The following LHPP variants were observed in gnomAD, a reference collection of about 807,000 sequenced individuals.
LHPP encodes hLHPP.
LHPP carries 24 observed loss-of-function variants against 30.3 expected under a neutral mutation model. The observed-to-expected ratio is 0.79, with a 90% CI of 0.57 to 1.11. The LOEUF (loss-of-function observed/expected upper bound fraction) is 1.11. Ranked by LOEUF, LHPP falls within the 50% of genes most tolerant of loss-of-function variation. The probability of loss-of-function intolerance (pLI) is 0.00; values close to 1 mark genes in which losing one functional copy is unlikely to be tolerated. For synonymous variants in LHPP, 150 were observed against 157.1 expected, an observed-to-expected ratio of 0.95 and a Z score of 0.34; for missense variants, 356 against 367.2, an observed-to-expected ratio of 0.97 and a Z score of 0.25.
Position 124,478,398 on chromosome 10 carries a change from A to G in LHPP, c.126-5741A>G, listed in dbSNP as rs77404434. On this transcript the variant is annotated intron_variant, in intron 1 of 6. Coordinates refer to ENST00000368842, the MANE Select transcript of LHPP (RefSeq NM_022126.4). This position sits in a 1 kb window ranked among gnomAD's most constrained non-coding sequence, Gnocchi z 4.7. The stretch of plus-strand genomic sequence containing the variant: ...CAGGGGGCCCAGCTGGGAGGGGCTC[A>G]TGCTGCCCTTTTCCTGAGGCCCCCT... Among the ~76,000 whole-genome samples the G allele has an allele frequency of 0.015, 2,275 of 152,212 alleles. 90 individuals carry two copies. In the East Asian group the frequency reaches 0.15, roughly 10 times the overall value.
At chr10:124,598,173 C>T (rs913763598) in intron 6 of LHPP, among the ~76,000 whole-genome samples, 1 of 152,254 alleles carries the variant, frequency 6.6e-6, no homozygotes, top group Non-Finnish European at 1.5e-5. Context: ...CAGCCCCTCA[C>T]CAGGTCCCCA....
intron 6 of LHPP, among the ~76,000 whole-genome samples, chr10:124,573,206 A>T (rs763003095): frequency 3.3e-5 from 5 of 152,258 alleles, no homozygotes; most frequent in Non-Finnish European, 5.9e-5. Flanking sequence ...GGATGTTTTC[A>T]TCCACTCTTC....
intron 3 of LHPP, among the ~76,000 whole-genome samples, chr10:124,492,721 C>A (rs1396843593): frequency 1.3e-5 from 2 of 152,238 alleles, no homozygotes; most frequent in Non-Finnish European, 2.9e-5. Context: ...CCTTTTTAAA[C>A]TTACACCCAT....
intron 6 of LHPP, among the ~76,000 whole-genome samples, chr10:124,605,670 A>G (rs10751600): frequency 0.79 from 120,384 of 151,972 alleles, 47,844 homozygotes; most frequent in East Asian, 0.98. Context: ...GGAGGTCCGC[A>G]GGTGGGGCCC....
chr10:124,613,255 C>T lies in LHPP; in HGVS notation c.717-9C>T, dbSNP rs1254786588. The T allele has an allele frequency of 1.9e-6, 3 of 1,610,044 alleles. No homozygotes were observed. The Admixed American group carries it at 5.0e-5, about 27-fold the overall frequency. On this transcript the variant is annotated splice_polypyrimidine_tract_variant and intron_variant, in intron 6 of 6. Coordinates refer to ENST00000368842, the MANE Select transcript of LHPP (RefSeq NM_022126.4). ...GGGGCACTGACTAACCTCCGGCCAT[C>T]CTCTCCAGGCCCAGTGACGAGCACC... is the stretch of plus-strand genomic sequence containing the variant.
At chr10:124,498,290 C>G (rs772956507) in intron 5 of LHPP, 162 bp downstream of exon 5, 2 of 1,571,704 alleles carry the variant, frequency 1.3e-6, no homozygotes, top group East Asian at 2.3e-5. Context: ...AGGGGGAAGA[C>G]AGCAAACGAA....
intron 6 of LHPP, among the ~76,000 whole-genome samples, chr10:124,606,737 GGGA>G (rs1949098100): frequency 6.6e-6 from 1 of 152,222 alleles, no homozygotes; most frequent in Admixed American, 6.5e-5. Flanking sequence ...CTGGGGCAGG[GGGA>G]GGAGCAGCGC....
intron 5 of LHPP, chr10:124,498,705 C>A: frequency 2.1e-6 from 1 of 465,746 alleles, no homozygotes; most frequent in Non-Finnish European, 4.0e-6. Context: ...CCATTTGTCA[C>A]CCTGGCTAGA....
At chr10:124,546,441 C>T (rs1007604642) in intron 6 of LHPP, among the ~76,000 whole-genome samples, 9 of 152,314 alleles carry the variant, frequency 5.9e-5, no homozygotes, top group East Asian at 1.9e-4. Flanking sequence ...CTCACTCTGT[C>T]GCCCAGGCTG....
In LHPP at chr10:124,568,952, C is replaced by G. The variant is rs542485845; in HGVS notation, c.717-44312C>G. On this transcript the variant is annotated intron_variant, in intron 6 of 6. Coordinates refer to ENST00000368842, the MANE Select transcript of LHPP (RefSeq NM_022126.4). Reference sequence around the variant, plus strand: ...TGGCGACTGGCATGTTCTGTCCCCCCCACGGCTCCCAGCGTGCTCCCAGCG... The same window carrying G: ...TGGCGACTGGCATGTTCTGTCCCCCGCACGGCTCCCAGCGTGCTCCCAGCG... Among the ~76,000 whole-genome samples, 17 of 152,238 alleles carry G rather than the reference C, an allele frequency of 1.1e-4. No individual in the cohort carries two copies. In the East Asian group the frequency reaches 2.9e-3, roughly 26 times the overall value.
intron 6 of LHPP, among the ~76,000 whole-genome samples, chr10:124,610,493 G>T (rs1353435359): frequency 8.0e-6 from 1 of 124,858 alleles, no homozygotes; most frequent in Admixed American, 7.6e-5. Context: ...GGGTGAGGGT[G>T]AGGGTGTTGA....
intron 6 of LHPP, among the ~76,000 whole-genome samples, chr10:124,553,650 A>T (rs369523628): frequency 1.3e-5 from 2 of 151,896 alleles, no homozygotes; most frequent in Non-Finnish European, 2.9e-5. Context: ...TAGTAGAGAC[A>T]GGGTTTCACC....
chr10:124,572,107 G>C (rs1589874773), intron 6 of LHPP, among the ~76,000 whole-genome samples: 1 of 152,200 alleles, frequency 6.6e-6, no homozygotes, highest in Non-Finnish European at 1.5e-5. Context: ...GGGCTGGCAG[G>C]CCTGCCGAAG....
chr10:124,538,152 GTCACCACGCGAGTC>G (rs753395178), intron 6 of LHPP, among the ~76,000 whole-genome samples: 16,778 of 131,624 alleles, frequency 0.13, 1,274 homozygotes, highest in Non-Finnish European at 0.17. Context: ...ACCATGCAGG[GTCACCACGCGAGTC>G]TCACCATGCA....
Position 124,590,001 on chromosome 10 carries a change from G to T in LHPP, c.717-23263G>T, listed in dbSNP as rs140176690. On this transcript the variant is annotated intron_variant, in intron 6 of 6. Coordinates refer to ENST00000368842, the MANE Select transcript of LHPP (RefSeq NM_022126.4). This position sits in a 1 kb window ranked among gnomAD's most constrained non-coding sequence, Gnocchi z 4.3. ...TTCAAGGCCAAATCCTTTCAGGAAA[G>T]TTCTCTCCATCCCACCACTCCACCG... Among the ~76,000 whole-genome samples the T allele has an allele frequency of 4.3e-3, 654 of 152,330 alleles. 6 individuals carry two copies. The highest frequency in any genetic ancestry group is 0.015 in the African/African-American group (630 of 41,566).
At chr10:124,589,604 C>G (rs17152069) in intron 6 of LHPP, among the ~76,000 whole-genome samples, 11,777 of 152,294 alleles carry the variant, frequency 0.077, 566 homozygotes, top group South Asian at 0.24. Context: ...GTGCACAGGT[C>G]CCAGTGTGCA....
At chr10:124,497,668 G>A (rs938813168) in intron 4 of LHPP, among the ~76,000 whole-genome samples, 1 of 152,240 alleles carries the variant, frequency 6.6e-6, no homozygotes, top group Non-Finnish European at 1.5e-5. Context: ...CCTGTGATGA[G>A]CTGCGAGTGG....
intron 5 of LHPP, among the ~76,000 whole-genome samples, chr10:124,515,123 TAATTG>T (rs1358698897): frequency 1.3e-5 from 2 of 152,228 alleles, no homozygotes; most frequent in Non-Finnish European, 2.9e-5. Flanking sequence ...TGAGGAACTC[TAATTG>T]CGTGTACATC....
chr10:124,462,953 C>T (rs1272229461), intron 1 of LHPP, among the ~76,000 whole-genome samples: 1 of 152,150 alleles, frequency 6.6e-6, no homozygotes, highest in East Asian at 1.9e-4. Context: ...CTGCAACCGC[C>T]GCCTCCCAGG....
Sources: allele counts gnomAD v4.1 joint callset (sites outside exome capture counted in the v4.1 genomes callset), GRCh38; gene constraint gnomAD v4.1.1; non-coding constraint Gnocchi (gnomAD v3.1); transcripts MANE v1.5; gene names NCBI Gene and HGNC (gene_info 2026-07-23, HGNC 2026-07-21).